The following SGCD variants were observed in gnomAD, a reference collection of about 807,000 sequenced individuals.
The protein encoded by SGCD is sarcoglycan delta.
SGCD carries 18 observed loss-of-function variants against 36.6 expected under a neutral mutation model. That is an observed-to-expected ratio of 0.49 (90% confidence interval 0.34 to 0.73). The LOEUF (loss-of-function observed/expected upper bound fraction) is 0.73. SGCD is among the 30% of genes least tolerant of loss of function. The pLI is 0.01. For missense variants in SGCD, 387 were observed against 346.7 expected (o/e 1.12, Z -0.92); for synonymous variants, 133 against 130.6 (o/e 1.02, Z -0.12).
chr5:156,285,084 G>T (rs929339043), intron 3 of SGCD, among the ~76,000 whole-genome samples: 1 of 152,136 alleles, frequency 6.6e-6, no homozygotes, highest in East Asian at 1.9e-4. Context: ...TTGCTTCAAA[G>T]ACAATAAAAT....
chr5:155,838,476 C>T, the SGCD span, among the ~76,000 whole-genome samples: 5 of 151,962 alleles, frequency 3.3e-5, no homozygotes, highest in Non-Finnish European at 5.9e-5. Flanking sequence ...ATTTTGCCCC[C>T]GTGTCATTTA....
At chr5:156,440,140 C>A (rs566152784) in intron 3 of SGCD, among the ~76,000 whole-genome samples, 1 of 152,182 alleles carries the variant, frequency 6.6e-6, no homozygotes, top group East Asian at 1.9e-4. Context: ...CCCAATCTCC[C>A]CTTCCCTGTA....
At chr5:156,171,795 A>G (rs920006496) in intron 3 of SGCD, among the ~76,000 whole-genome samples, 1 of 152,132 alleles carries the variant, frequency 6.6e-6, no homozygotes, top group Non-Finnish European at 1.5e-5. Context: ...TGCCTTTCAA[A>G]TCCAACTCTA....
intron 7 of SGCD, among the ~76,000 whole-genome samples, chr5:156,730,995 T>A (rs1406036892): frequency 6.6e-6 from 1 of 152,168 alleles, no homozygotes; most frequent in Non-Finnish European, 1.5e-5. Flanking sequence ...CTCTGATGAT[T>A]ACTGATTTTG....
At chr5:156,735,098 ATCACCTC>A in intron 7 of SGCD, among the ~76,000 whole-genome samples, 1 of 152,182 alleles carries the variant, frequency 6.6e-6, no homozygotes, top group Non-Finnish European at 1.5e-5. Flanking sequence ...CCAGTCCCTA[ATCACCTC>A]AGATTTTCCA....
intron 3 of SGCD, among the ~76,000 whole-genome samples, chr5:156,473,216 G>A (rs1755044735): frequency 6.6e-6 from 1 of 152,148 alleles, no homozygotes; most frequent in African/African-American, 2.4e-5. Context: ...CTCATCCACA[G>A]GAGATAAGTT....
chr5:156,439,306 T>C (rs1753383171), intron 3 of SGCD, among the ~76,000 whole-genome samples: 1 of 152,172 alleles, frequency 6.6e-6, no homozygotes, highest in Non-Finnish European at 1.5e-5. Context: ...GTGTCTTATC[T>C]TAATCATTGT....
At chr5:156,652,778 G>A (rs751111526) in intron 7 of SGCD, among the ~76,000 whole-genome samples, 2 of 151,410 alleles carry the variant, frequency 1.3e-5, no homozygotes, top group Non-Finnish European at 3.0e-5. Flanking sequence ...AGTTTTTTGG[G>A]TTTTTTTTGA....
At chr5:156,298,467 G>A (rs1425106378) in intron 3 of SGCD, among the ~76,000 whole-genome samples, 1 of 151,914 alleles carries the variant, frequency 6.6e-6, no homozygotes, top group African/African-American at 2.4e-5. Flanking sequence ...TTCTAACTGG[G>A]ATGAGATGAT....
chr5:156,080,410 G>A (rs996731292), intron 1 of SGCD, among the ~76,000 whole-genome samples: 1 of 152,216 alleles, frequency 6.6e-6, no homozygotes, highest in Non-Finnish European at 1.5e-5. Context: ...AAGTCACCCT[G>A]CTTTAATTTA....
chr5:156,464,388 T>G (rs1229923459), intron 3 of SGCD, among the ~76,000 whole-genome samples: 1 of 151,888 alleles, frequency 6.6e-6, no homozygotes, highest in East Asian at 1.9e-4. Flanking sequence ...ACCTGACTAA[T>G]TTTTTGTATA....
chr5:156,610,493 A>G (rs946669065), intron 6 of SGCD, among the ~76,000 whole-genome samples: 4 of 152,160 alleles, frequency 2.6e-5, no homozygotes, highest in African/African-American at 9.7e-5. Flanking sequence ...GGGGTCAGGG[A>G]CCCACTTGAG....
intron 3 of SGCD, among the ~76,000 whole-genome samples, chr5:156,462,871 T>C (rs775178902): frequency 8.5e-5 from 13 of 152,178 alleles, no homozygotes; most frequent in Non-Finnish European, 1.5e-4. Context: ...AGTTTAGCCT[T>C]TATAGAAGGC....
intron 6 of SGCD, among the ~76,000 whole-genome samples, chr5:156,637,427 GTCTTTT>G (rs1387071128): frequency 6.6e-6 from 1 of 152,062 alleles, no homozygotes; most frequent in Non-Finnish European, 1.5e-5. Context: ...AGTCCCCTTG[GTCTTTT>G]TCTCATGGTC....
intron 7 of SGCD, among the ~76,000 whole-genome samples, chr5:156,733,466 G>C (rs561402697): frequency 6.6e-6 from 1 of 152,198 alleles, no homozygotes; most frequent in South Asian, 2.1e-4. Flanking sequence ...TAACTGCCAT[G>C]TGGCAATGAG....
chr5:155,833,421 G>A, the SGCD span, among the ~76,000 whole-genome samples: 1 of 152,238 alleles, frequency 6.6e-6, no homozygotes, highest in East Asian at 1.9e-4. Context: ...TTGCAAATTG[G>A]AAAGGTTTTT....
the SGCD span, among the ~76,000 whole-genome samples, chr5:155,739,998 A>T: frequency 6.6e-6 from 1 of 152,214 alleles, no homozygotes; most frequent in Admixed American, 6.5e-5. Context: ...TTCTGCTGTG[A>T]TTTCCCCATT....
At chr5:155,870,633 G>A (rs918152641) in intron 1 of SGCD, among the ~76,000 whole-genome samples, 1 of 152,034 alleles carries the variant, frequency 6.6e-6, no homozygotes, top group African/African-American at 2.4e-5. Flanking sequence ...TGTATTCTCT[G>A]CCTCATTCTT....
intron 1 of SGCD, among the ~76,000 whole-genome samples, chr5:156,084,824 G>T (rs1186581222): frequency 6.6e-6 from 1 of 152,124 alleles, no homozygotes; most frequent in Non-Finnish European, 1.5e-5. Flanking sequence ...TTAGATACAG[G>T]TTTTTCCGTG....
Sources: gnomAD v4.1 joint callset for allele counts (sites outside exome capture counted in the v4.1 genomes callset) on GRCh38, gnomAD v4.1.1 for gene constraint, MANE v1.5 for transcripts, NCBI Gene and HGNC (gene_info 2026-07-23, HGNC 2026-07-21) for gene names.